FREM1: variants seen among roughly 807,000 people sequenced by gnomAD.
FREM1 encodes FRAS1 related extracellular matrix 1, also known as FRAS1-related extracellular matrix protein 1.
Under a neutral mutation model 210.1 loss-of-function variants are expected in FREM1, and 220 were observed. The observed-to-expected ratio is 1.05, with a 90% CI of 0.94 to 1.17. The LOEUF is 1.17. FREM1 is among the 50% of genes most tolerant of loss of function. The pLI is 0.00. For missense variants in FREM1, 3,454 were observed against 2,675.5 expected (o/e 1.29, Z -6.42); for synonymous variants, 1,189 against 980.2 (o/e 1.21, Z -3.98).
intron 19 of FREM1, among the ~76,000 whole-genome samples, chr9:14,804,500 G>C (rs1294803079): frequency 6.6e-6 from 1 of 152,168 alleles, no homozygotes; most frequent in East Asian, 1.9e-4. Flanking sequence ...CAGGAGAATG[G>C]CGTGAACCCG....
chr9:14,869,638 G>C (rs976026065), intron 1 of FREM1, among the ~76,000 whole-genome samples: 4 of 152,102 alleles, frequency 2.6e-5, no homozygotes, highest in African/African-American at 9.7e-5. Flanking sequence ...ATTTTTTTCA[G>C]AGAGCTGATA....
At chr9:14,823,093 T>C in intron 13 of FREM1, 67 bp downstream of exon 13, 3 of 1,207,476 alleles carry the variant, frequency 2.5e-6, no homozygotes, top group Non-Finnish European at 1.1e-6. Context: ...TTACCATTTC[T>C]AGTAGGTCTT....
At chr9:14,807,186 A>G (rs1818525386) in intron 17 of FREM1, among the ~76,000 whole-genome samples, 1 of 152,188 alleles carries the variant, frequency 6.6e-6, no homozygotes, top group African/African-American at 2.4e-5. Context: ...GGAAGTGACA[A>G]ATGAAAGTAA....
At chr9:14,792,272 G>GCACAAACA (rs1554665387) in intron 22 of FREM1, among the ~76,000 whole-genome samples, 70 of 142,242 alleles carry the variant, frequency 4.9e-4, no homozygotes, top group African/African-American at 1.8e-3. Context: ...ACACACACAC[G>GCACAAACA]CACACACACA....
intron 11 of FREM1, 69 bp from the exon 12 acceptor site, chr9:14,824,184 A>C (rs1056502966): frequency 2.1e-6 from 2 of 933,828 alleles, no homozygotes; most frequent in African/African-American, 3.3e-5. Context: ...AATAGCCCAC[A>C]ATCAAAAACT....
At chr9:14,806,870 TACA>T in intron 17 of FREM1, 24 bp from the exon 18 acceptor site, 1 of 1,491,028 alleles carries the variant, frequency 6.7e-7, no homozygotes, top group Non-Finnish European at 9.2e-7. Context: ...AAAACACAAT[TACA>T]ACTTAGCATG....
chr9:14,742,614 G>A (rs530526098), intron 35 of FREM1, among the ~76,000 whole-genome samples: 1 of 152,218 alleles, frequency 6.6e-6, no homozygotes, highest in South Asian at 2.1e-4. Context: ...ATGACCCTCT[G>A]TAAAGGACTT....
chr9:14,909,045 G>A (rs1818281292), intron 1 of FREM1, among the ~76,000 whole-genome samples: 3 of 152,218 alleles, frequency 2.0e-5, no homozygotes, highest in South Asian at 2.1e-4. Flanking sequence ...AAGAGCATTC[G>A]AATCACTAGC....
chr9:14,863,973 G>C, intron 2 of FREM1, 70 bp from the exon 3 acceptor site: 1 of 939,686 alleles, frequency 1.1e-6, no homozygotes, highest in Non-Finnish European at 1.7e-6. Flanking sequence ...TTTGCCAGGA[G>C]AGCACTGCCT....
intron 1 of FREM1, among the ~76,000 whole-genome samples, chr9:14,907,251 G>C (rs1250143073): frequency 1.3e-5 from 2 of 152,124 alleles, no homozygotes; most frequent in Non-Finnish European, 2.9e-5. Context: ...TTCTTATCTT[G>C]ATGGCCAAGT....
Position 14,737,608 on chromosome 9 carries a change from A to G in FREM1, c.6341-13T>C. Reference sequence around the variant, plus strand: ...TGGTCGTTCAAACCTAATGTGAACCAAAAGAATGTACCAATTACTTTTATT... The same window carrying G: ...TGGTCGTTCAAACCTAATGTGAACCGAAAGAATGTACCAATTACTTTTATT... On this transcript the variant is annotated splice_polypyrimidine_tract_variant and intron_variant, in intron 36 of 36. Transcript: ENST00000380880. The G allele has an allele frequency of 6.7e-7, 1 of 1,501,298 alleles. No individual in the cohort carries two copies. 93.0% of individuals were successfully genotyped at this position (1,501,298 alleles called of 1,614,324 possible). A position where few individuals can be genotyped will look rare whatever the true frequency, so the allele number is the denominator to read the frequency against.
chr9:14,792,455 T>C (rs1851599034), intron 22 of FREM1, among the ~76,000 whole-genome samples: 1 of 152,128 alleles, frequency 6.6e-6, no homozygotes, highest in Non-Finnish European at 1.5e-5. Flanking sequence ...TGGATTATCC[T>C]CAGAAAGCAG....
At chr9:14,877,066 C>T (rs1833892236) in intron 1 of FREM1, among the ~76,000 whole-genome samples, 1 of 152,176 alleles carries the variant, frequency 6.6e-6, no homozygotes, top group Non-Finnish European at 1.5e-5. Flanking sequence ...CACTTTGTCT[C>T]CTTACCTGGT....
At chr9:14,824,185 A>G in intron 11 of FREM1, 70 bp from the exon 12 acceptor site, 3 of 926,624 alleles carry the variant, frequency 3.2e-6, no homozygotes, top group South Asian at 2.9e-5. Context: ...ATAGCCCACA[A>G]TCAAAAACTG....
chr9:14,895,969 G>C (rs539977657), intron 1 of FREM1, among the ~76,000 whole-genome samples: 92 of 152,282 alleles, frequency 6.0e-4, no homozygotes, highest in Admixed American at 1.2e-3. Context: ...AACTTGAATA[G>C]GAGCTGGGTA....
At chr9:14,744,652 T>A (rs1044047902) in intron 35 of FREM1, among the ~76,000 whole-genome samples, 1 of 152,050 alleles carries the variant, frequency 6.6e-6, no homozygotes, top group East Asian at 1.9e-4. Flanking sequence ...TAAACATCAA[T>A]AACAAAAAAC....
At chr9:14,816,061 T>C (rs952805968) in intron 15 of FREM1, among the ~76,000 whole-genome samples, 3 of 152,116 alleles carry the variant, frequency 2.0e-5, no homozygotes, top group Non-Finnish European at 2.9e-5. Context: ...CACACACACA[T>C]ATACATGGCT....
intron 3 of FREM1, among the ~76,000 whole-genome samples, chr9:14,863,298 G>A (rs149657630): frequency 4.2e-4 from 60 of 143,152 alleles, no homozygotes; most frequent in African/African-American, 1.5e-3. Flanking sequence ...CCGAGATTGC[G>A]CCACTGCACT....
At chr9:14,864,821 C>T (rs1456661461) in intron 2 of FREM1, among the ~76,000 whole-genome samples, 1 of 152,180 alleles carries the variant, frequency 6.6e-6, no homozygotes, top group Non-Finnish European at 1.5e-5. Flanking sequence ...TCAGAGAAGA[C>T]TTTACCACTA....
Sources: allele counts gnomAD v4.1 joint callset (sites outside exome capture counted in the v4.1 genomes callset), GRCh38; gene constraint gnomAD v4.1.1; transcripts MANE v1.5; gene names NCBI Gene and HGNC (gene_info 2026-07-23, HGNC 2026-07-21).